Variants in ARHGEF28 observed in about 807,000 individuals in gnomAD.
ARHGEF28 encodes the protein 190 kDa guanine nucleotide exchange factor.
In ARHGEF28, 152 loss-of-function variants were observed where a neutral mutation model predicts 206.6. The observed-to-expected ratio is 0.74, with a 90% CI of 0.64 to 0.84. The LOEUF is 0.84. Among genes scored for constraint, ARHGEF28 ranks in the 40% least tolerant of loss-of-function variants. The pLI is 0.00. For missense variants in ARHGEF28, 2,028 were observed against 2,073.2 expected (o/e 0.98, Z 0.42); for synonymous variants, 763 against 776.4 (o/e 0.98, Z 0.29).
Position 73,911,464 on chromosome 5 carries a change from A to G in ARHGEF28, c.4837A>G (p.Lys1613Glu), listed in dbSNP as rs1762900386. Reference sequence around the variant, plus strand: ...GACTAGTGAACATCAAGTAGACCTCAAGGTGGACCCTTCTCAGCCTTCGAA... The same window carrying G: ...GACTAGTGAACATCAAGTAGACCTCGAGGTGGACCCTTCTCAGCCTTCGAA... ...VRTSEHQVDL[K>E]VDPSQPSNVS... The change falls in exon 35 of 36, where the codon AAG (lysine) becomes GAG (glutamate). Residue 1613 changes from lysine to glutamate, a missense_variant. Around this residue, in one of 3 missense-constraint regions of ARHGEF28, gnomAD observed 803 missense variants for 768.0 expected, o/e 1.05. Coordinates refer to ENST00000513042, the MANE Select transcript of ARHGEF28 (RefSeq NM_001177693.2). 6.2e-7 allele frequency: 1 copy of G among 1,613,908 alleles called. No individual in the cohort carries two copies. Among genetic ancestry groups the G allele is most frequent in the South Asian group, 1.1e-5 (1 of 91,066 alleles).
chr5:73,802,828 A>C (rs1755216236), intron 9 of ARHGEF28, among the ~76,000 whole-genome samples: 1 of 151,784 alleles, frequency 6.6e-6, no homozygotes, highest in Admixed American at 6.6e-5. Flanking sequence ...CAAAAAAAAA[A>C]ATTACATTTA....
intron 9 of ARHGEF28, among the ~76,000 whole-genome samples, chr5:73,801,210 G>T (rs1023448398): frequency 3.3e-5 from 5 of 152,300 alleles, no homozygotes; most frequent in East Asian, 1.9e-4. Flanking sequence ...ACTTTGGGAG[G>T]CCGAGGCAGG....
chr5:73,677,042 C>T (rs943127326), intron 1 of ARHGEF28, among the ~76,000 whole-genome samples: 1 of 152,024 alleles, frequency 6.6e-6, no homozygotes, highest in African/African-American at 2.4e-5. Flanking sequence ...GTAACAACAC[C>T]AAGACCAATG....
At chr5:73,848,111 A>G (rs1193564009) in intron 12 of ARHGEF28, among the ~76,000 whole-genome samples, 2 of 152,238 alleles carry the variant, frequency 1.3e-5, no homozygotes, top group Admixed American at 6.5e-5. Context: ...CTTAAGTGAT[A>G]TCTTAAAAAT....
intron 2 of ARHGEF28, among the ~76,000 whole-genome samples, chr5:73,691,571 A>G (rs114011533): frequency 0.011 from 1,625 of 152,318 alleles, 37 homozygotes; most frequent in African/African-American, 0.037. Context: ...CTGTGTTTTA[A>G]TAAAACTTTC....
intron 18 of ARHGEF28, among the ~76,000 whole-genome samples, chr5:73,867,110 T>C (rs1232610226): frequency 6.6e-6 from 1 of 152,170 alleles, no homozygotes; most frequent in Non-Finnish European, 1.5e-5. Flanking sequence ...TATCTTAGAA[T>C]TGATGAAATA....
intron 1 of ARHGEF28, among the ~76,000 whole-genome samples, chr5:73,652,747 C>T (rs1464041644): frequency 6.6e-6 from 1 of 152,218 alleles, no homozygotes; most frequent in African/African-American, 2.4e-5. Flanking sequence ...ACAGATCTCA[C>T]TTAATCCTTG....
intron 33 of ARHGEF28, among the ~76,000 whole-genome samples, chr5:73,906,964 A>G (rs1052835247): frequency 2.0e-5 from 3 of 152,230 alleles, no homozygotes; most frequent in African/African-American, 7.2e-5. Flanking sequence ...TAATGATATT[A>G]TGGCTATTTG....
chr5:73,754,454 C>T (rs922704581), intron 4 of ARHGEF28, among the ~76,000 whole-genome samples: 4 of 151,988 alleles, frequency 2.6e-5, no homozygotes, highest in Non-Finnish European at 4.4e-5. Context: ...GCGTGGGCTC[C>T]CTGAGGGTGT....
chr5:73,646,668 A>T (rs151299549), intron 1 of ARHGEF28, among the ~76,000 whole-genome samples: 16 of 152,286 alleles, frequency 1.1e-4, no homozygotes, highest in African/African-American at 3.8e-4. Context: ...CCCCTGGCTG[A>T]CATCTGTTCT....
At chr5:73,693,262 G>A (rs918563529) in intron 2 of ARHGEF28, among the ~76,000 whole-genome samples, 2 of 152,126 alleles carry the variant, frequency 1.3e-5, no homozygotes, top group Non-Finnish European at 2.9e-5. Context: ...AGTACTCAAA[G>A]GCACCATTTT....
chr5:73,669,975 C>T (rs946058108), intron 1 of ARHGEF28, among the ~76,000 whole-genome samples: 5 of 152,208 alleles, frequency 3.3e-5, no homozygotes, highest in Admixed American at 2.0e-4. Context: ...GTGTGAGCCA[C>T]GGTGCTAGGC....
Position 73,708,357 on chromosome 5 carries a change from C to T in ARHGEF28, c.33+23473C>T, listed in dbSNP as rs369527553. On this transcript the variant is annotated intron_variant, in intron 2 of 35. Coordinates refer to ENST00000513042, the MANE Select transcript of ARHGEF28 (RefSeq NM_001177693.2). ...TTTCAGCCATTACCTCCCTCCCTTT[C>T]TCCCCACCTTAATAATCCCCAGTGT... 7.2e-5 allele frequency among the ~76,000 whole-genome samples: 11 copies of T among 152,264 alleles called. No homozygotes were observed. In the South Asian group the frequency reaches 2.3e-3, roughly 32 times the overall value.
intron 4 of ARHGEF28, among the ~76,000 whole-genome samples, chr5:73,754,468 T>A (rs1752195769): frequency 6.6e-6 from 1 of 151,908 alleles, no homozygotes; most frequent in Non-Finnish European, 1.5e-5. Flanking sequence ...AGGGTGTGGG[T>A]GGTGTTTGTT....
intron 2 of ARHGEF28, among the ~76,000 whole-genome samples, chr5:73,694,803 G>T (rs571852508): frequency 6.6e-6 from 1 of 152,190 alleles, no homozygotes; most frequent in African/African-American, 2.4e-5. Context: ...CTTAATCTAA[G>T]GTGTTTATTT....
Position 73,776,646 on chromosome 5 carries a change from G to A in ARHGEF28, c.790G>A (p.Asp264Asn), listed in dbSNP as rs781499501. Residue 264 changes from aspartate (D) to asparagine (N), a missense_variant, in exon 6 of 36, where the codon GAT becomes AAT. Asp to Asn is a conservative substitution (Grantham distance 23, BLOSUM62 1). Transcript: ENST00000513042. ...CACAGCCGAGCATTTGTTGGAGGCA[G>A]ATATTAAACTCTTCCGGAAATACTT... ...NHTAEHLLEADIKLFRKYFWD... is the reference protein window; with the variant it reads ...NHTAEHLLEANIKLFRKYFWD... 13 of 1,613,892 alleles carry A rather than the reference G, an allele frequency of 8.1e-6. No individual in the cohort carries two copies. The highest frequency in any genetic ancestry group is 1.1e-5 in the Non-Finnish European group (13 of 1,179,808).
intron 2 of ARHGEF28, among the ~76,000 whole-genome samples, chr5:73,737,949 C>T (rs1431213969): frequency 6.6e-6 from 1 of 152,162 alleles, no homozygotes; most frequent in Non-Finnish European, 1.5e-5. Context: ...TATGACTGGG[C>T]TGGCCTTTTT....
chr5:73,760,160 G>C (rs746497585), intron 4 of ARHGEF28, among the ~76,000 whole-genome samples: 1 of 152,194 alleles, frequency 6.6e-6, no homozygotes, highest in South Asian at 2.1e-4. Context: ...GCCCACAGAT[G>C]AAGTAAAATG....
At chr5:73,888,991 G>A (rs1580053784) in intron 26 of ARHGEF28, among the ~76,000 whole-genome samples, 2 of 152,180 alleles carry the variant, frequency 1.3e-5, no homozygotes, top group Non-Finnish European at 2.9e-5. Flanking sequence ...GTATCAGAGA[G>A]CAAAAGAGAA....
Sources: allele counts gnomAD v4.1 joint callset (sites outside exome capture counted in the v4.1 genomes callset), GRCh38; gene constraint gnomAD v4.1.1; regional missense constraint gnomAD v4.1.1; transcripts MANE v1.5; gene names NCBI Gene and HGNC (gene_info 2026-07-23, HGNC 2026-07-21).